The following SDHA variants were observed in gnomAD, a reference collection of about 807,000 sequenced individuals.
The protein encoded by SDHA is succinate dehydrogenase complex flavoprotein subunit A, also known as succinate dehydrogenase [ubiquinone] flavoprotein subunit, mitochondrial.
SDHA carries 48 observed loss-of-function variants against 78.4 expected under a neutral mutation model. That is an observed-to-expected ratio of 0.61 (90% confidence interval 0.49 to 0.78). The LOEUF is 0.78. SDHA is among the 30% of genes least tolerant of loss of function. The probability of loss-of-function intolerance (pLI) is 0.00; values close to 1 mark genes in which losing one functional copy is unlikely to be tolerated. For missense variants in SDHA, 680 were observed against 892.7 expected (o/e 0.76, Z 3.04); for synonymous variants, 326 against 353.9 (o/e 0.92, Z 0.88).
At chr5:258,548 C>G (rs1440461011), downstream of SDHA, among the ~76,000 whole-genome samples, 10 of 93,624 alleles carry the variant, frequency 1.1e-4, no homozygotes, top group African/African-American at 7.6e-4. Flanking sequence ...TCCTTCTCCT[C>G]TCAGAGCCTT....
At chr5:262,857 T>C in the SDHA span, among the ~76,000 whole-genome samples, 14,600 of 152,264 alleles carry the variant, frequency 0.096, 2,270 homozygotes, top group African/African-American at 0.33. Flanking sequence ...CGATTACTTT[T>C]GCACCAACTT....
At chr5:227,297 A>G (rs1450414728) in intron 5 of SDHA, among the ~76,000 whole-genome samples, 1 of 152,236 alleles carries the variant, frequency 6.6e-6, no homozygotes, top group Non-Finnish European at 1.5e-5. Context: ...GGCGTGAGCC[A>G]CCGCACCCGG....
chr5:225,292 GCCCT>G, intron 3 of SDHA, 123 bp from the exon 4 acceptor site: 1 of 1,213,788 alleles, frequency 8.2e-7, no homozygotes, highest in Non-Finnish European at 1.2e-6. Context: ...GCTGAGGTCA[GCCCT>G]CACTGGGAGT....
chr5:265,138 G>A, the SDHA span, among the ~76,000 whole-genome samples: 36,637 of 152,076 alleles, frequency 0.24, 6,882 homozygotes, highest in African/African-American at 0.53. Flanking sequence ...ACCAGGAGGC[G>A]GAGGTTGCAG....
chr5:239,006 A>G (rs997924318), intron 10 of SDHA, among the ~76,000 whole-genome samples: 1 of 151,620 alleles, frequency 6.6e-6, no homozygotes, highest in African/African-American at 2.4e-5. Context: ...CACCTAAAGA[A>G]AAAAGTCAAT....
At chr5:229,812 A>G (rs1474539249) in intron 6 of SDHA, among the ~76,000 whole-genome samples, 2 of 127,154 alleles carry the variant, frequency 1.6e-5, no homozygotes, top group East Asian at 3.9e-4. Flanking sequence ...ATTATACAGC[A>G]TGGTGGCTAG....
downstream of SDHA, among the ~76,000 whole-genome samples, chr5:257,815 TGG>T (rs1378295699): frequency 1.6e-5 from 1 of 61,016 alleles, no homozygotes; most frequent in Non-Finnish European, 3.1e-5. Context: ...AGAGCATTAC[TGG>T]GTGAGCTCCA....
chr5:240,544 T>G (rs1736073972), intron 11 of SDHA, 68 bp downstream of exon 11: 8 of 1,015,982 alleles, frequency 7.9e-6, no homozygotes, highest in Non-Finnish European at 1.1e-5. Context: ...TGGTTTTGTT[T>G]TTTAAAAACT....
chr5:221,242 A>G (rs1734696528), intron 1 of SDHA, among the ~76,000 whole-genome samples: 1 of 152,176 alleles, frequency 6.6e-6, no homozygotes, highest in African/African-American at 2.4e-5. Flanking sequence ...CATGAAAGCA[A>G]TTCCTGTTTC....
intron 14 of SDHA, among the ~76,000 whole-genome samples, chr5:254,969 C>T (rs556937228): frequency 6.6e-6 from 1 of 152,044 alleles, no homozygotes; most frequent in East Asian, 1.9e-4. Context: ...GGATGTGGTG[C>T]AGCCTTTAGC....
the SDHA span, among the ~76,000 whole-genome samples, chr5:262,190 GCCAGAGCA>G: frequency 5.9e-4 from 34 of 57,832 alleles, no homozygotes; most frequent in East Asian, 8.6e-4. Flanking sequence ...TCCGCCTCCC[GCCAGAGCA>G]TTACCGTGTG....
rs1736836829 is a variant in SDHA at position 251,566 on chromosome 5, C to T, written c.1794+98C>T. ...ATTTTCTCTGCATTTTCTTTCGTTG[C>T]CCCAAAAGTAAATCCAAAAAATGCC... is the stretch of plus-strand genomic sequence containing the variant. On this transcript the variant is annotated intron_variant, in intron 13 of 14. Coordinates refer to ENST00000264932, the MANE Select transcript of SDHA (RefSeq NM_004168.4). 1.1e-5 allele frequency: 18 copies of T among 1,590,120 alleles called. 2 individuals are homozygous for T. In the South Asian group the frequency reaches 1.8e-4, roughly 16 times the overall value.
intron 11 of SDHA, among the ~76,000 whole-genome samples, chr5:241,585 A>G (rs1275478026): frequency 1.3e-5 from 2 of 152,232 alleles, no homozygotes; most frequent in Admixed American, 1.3e-4. Context: ...AGAACCTGAT[A>G]CATGGTCAGT....
At chr5:231,667 A>G (rs1735412275) in intron 7 of SDHA, among the ~76,000 whole-genome samples, 1 of 151,956 alleles carries the variant, frequency 6.6e-6, no homozygotes, top group Admixed American at 6.6e-5. Context: ...GTGGTGCTCC[A>G]TGCCCAGCAC....
intron 11 of SDHA, among the ~76,000 whole-genome samples, chr5:242,659 G>A (rs1736219295): frequency 6.6e-6 from 1 of 152,134 alleles, no homozygotes; most frequent in African/African-American, 2.4e-5. Flanking sequence ...GGCAAATGGC[G>A]CCCATATATG....
At chr5:222,656 A>G (rs1363482558) in intron 1 of SDHA, among the ~76,000 whole-genome samples, 3 of 152,114 alleles carry the variant, frequency 2.0e-5, no homozygotes, top group Non-Finnish European at 2.9e-5. Context: ...ACTATTCTTG[A>G]TGATATTTCT....
intron 6 of SDHA, among the ~76,000 whole-genome samples, chr5:229,774 A>G (rs957613486): frequency 1.1e-4 from 16 of 151,258 alleles, no homozygotes; most frequent in African/African-American, 3.9e-4. Flanking sequence ...TAGAGTTAAC[A>G]TTATACAGCA....
intron 5 of SDHA, among the ~76,000 whole-genome samples, chr5:227,135 C>T (rs1310960255): frequency 1.3e-5 from 2 of 151,864 alleles, no homozygotes; most frequent in African/African-American, 2.4e-5. Context: ...CTCAGCCTCC[C>T]GAGTAGCTGG....
At chr5:253,625 G>A (rs1736990783) in intron 13 of SDHA, among the ~76,000 whole-genome samples, 1 of 151,938 alleles carries the variant, frequency 6.6e-6, no homozygotes, top group South Asian at 2.1e-4. Flanking sequence ...AGTAGAGATG[G>A]GGTTTCACCA....
Sources: gnomAD v4.1 joint callset for allele counts (sites outside exome capture counted in the v4.1 genomes callset) on GRCh38, gnomAD v4.1.1 for gene constraint, MANE v1.5 for transcripts, NCBI Gene and HGNC (gene_info 2026-07-23, HGNC 2026-07-21) for gene names.